The following GPR83 variants were observed in gnomAD, a reference collection of about 807,000 sequenced individuals.
GPR83 encodes G protein-coupled receptor 83.
In GPR83, 23 loss-of-function variants were observed where a neutral mutation model predicts 28.0. That is an observed-to-expected ratio of 0.82 (90% CI 0.59 to 1.16). The LOEUF is 1.16. GPR83 is among the 50% of genes most tolerant of loss of function. The pLI is 0.00. For missense variants in GPR83, 610 were observed against 536.6 expected (o/e 1.14, Z -1.35); for synonymous variants, 234 against 215.4 (o/e 1.09, Z -0.76).
At chr11:94,389,985 C>A (rs1944799676) in intron 3 of GPR83, among the ~76,000 whole-genome samples, 2 of 152,164 alleles carry the variant, frequency 1.3e-5, no homozygotes, top group Admixed American at 6.5e-5. Flanking sequence ...GAATACTATG[C>A]AGCCATAAAA....
At chr11:94,386,412 TAAAG>T (rs1174558312) in intron 3 of GPR83, among the ~76,000 whole-genome samples, 1 of 152,132 alleles carries the variant, frequency 6.6e-6, no homozygotes, top group Non-Finnish European at 1.5e-5. Context: ...GCAAATTGGA[TAAAG>T]AGTCAAGTCC....
intron 2 of GPR83, among the ~76,000 whole-genome samples, chr11:94,394,552 G>A (rs894921302): frequency 6.6e-6 from 1 of 152,158 alleles, no homozygotes; most frequent in African/African-American, 2.4e-5. Flanking sequence ...AGGGTTGGGG[G>A]AAGAGGTCAG....
intron 3 of GPR83, among the ~76,000 whole-genome samples, chr11:94,390,061 A>G (rs191572898): frequency 3.9e-5 from 6 of 152,254 alleles, no homozygotes; most frequent in Admixed American, 1.3e-4. Context: ...TCAGCAAACT[A>G]TCACAAGGAC....
At chr11:94,394,870 C>G (rs975176475) in intron 2 of GPR83, among the ~76,000 whole-genome samples, 1 of 152,168 alleles carries the variant, frequency 6.6e-6, no homozygotes, top group African/African-American at 2.4e-5. Context: ...TCAACATGAG[C>G]AAGGCTTTGC....
At chr11:94,382,207 C>A (rs1453796003) in intron 3 of GPR83, among the ~76,000 whole-genome samples, 3 of 152,042 alleles carry the variant, frequency 2.0e-5, no homozygotes, top group Non-Finnish European at 2.9e-5. Context: ...ACAAAATTAG[C>A]TGGGCATGGT....
At chr11:94,393,678 G>A in intron 2 of GPR83, 60 bp from the exon 3 acceptor site, 1 of 1,566,796 alleles carries the variant, frequency 6.4e-7, no homozygotes, top group Middle Eastern at 1.8e-4. Flanking sequence ...TCAGAAATCT[G>A]GGTCAGGCGC....
chr11:94,380,454 T>C lies in GPR83; in HGVS notation c.967A>G (p.Asn323Asp). Reference protein sequence around the residue: ...LLLSSKVIRTNNALYFAFHWF... With the variant: ...LLLSSKVIRTDNALYFAFHWF... ...TGGAAGGCAAAGTAGAGGGCATTGT[T>C]GGTGCGGATGACCTTGCTGGACAGG... Residue 323 changes from asparagine to aspartate, a missense_variant, in exon 4 of 4, where the codon AAC (asparagine) becomes GAC (aspartate). Coordinates refer to ENST00000243673, the MANE Select transcript of GPR83 (RefSeq NM_016540.4). The C allele has an allele frequency of 1.2e-6, 2 of 1,614,134 alleles. No homozygotes were observed. The highest frequency in any genetic ancestry group is 1.7e-6 in the Non-Finnish European group (2 of 1,179,994).
chr11:94,397,306 G>A (rs1261433350), intron 1 of GPR83, among the ~76,000 whole-genome samples: 1 of 152,158 alleles, frequency 6.6e-6, no homozygotes, highest in African/African-American at 2.4e-5. Flanking sequence ...TGTGAGTAAC[G>A]TCCCATGCCT....
At chr11:94,388,652 C>T (rs1473170122) in intron 3 of GPR83, among the ~76,000 whole-genome samples, 1 of 152,074 alleles carries the variant, frequency 6.6e-6, no homozygotes, top group Non-Finnish European at 1.5e-5. Flanking sequence ...AACTACAAAC[C>T]ACTGCTCAAG....
intron 3 of GPR83, among the ~76,000 whole-genome samples, chr11:94,384,944 C>A (rs1408106467): frequency 2.0e-5 from 3 of 152,186 alleles, no homozygotes; most frequent in Non-Finnish European, 2.9e-5. Flanking sequence ...GGGAGGCAAC[C>A]CCCAGGAGGG....
chr11:94,401,388 C>T lies in GPR83; in HGVS notation c.-141G>A, dbSNP rs1011940618. Reference sequence around the variant, plus strand: ...CAGGGAGCCCGGACGCGCGGAGCACCGCGCCGCCCGCCACCAGCCCGCGGT... The same window carrying T: ...CAGGGAGCCCGGACGCGCGGAGCACTGCGCCGCCCGCCACCAGCCCGCGGT... On this transcript the variant is annotated 5_prime_UTR_variant, in exon 1 of 4. Transcript: ENST00000243673. 8 of 719,092 alleles carry T rather than the reference C, an allele frequency of 1.1e-5. No homozygotes were observed. The highest frequency in any genetic ancestry group is 1.7e-5 in the Non-Finnish European group (8 of 483,874). 44.5% of individuals were successfully genotyped at this position (719,092 alleles called of 1,614,324 possible). A position where few individuals can be genotyped will look rare whatever the true frequency, so the allele number is the denominator to read the frequency against.
chr11:94,389,553 A>G (rs542910314), intron 3 of GPR83, among the ~76,000 whole-genome samples: 134 of 152,392 alleles, frequency 8.8e-4, no homozygotes, highest in African/African-American at 3.1e-3. Context: ...TATGCAGCCA[A>G]CAGACACATG....
chr11:94,398,905 G>C (rs1172544919), intron 1 of GPR83, among the ~76,000 whole-genome samples: 1 of 152,170 alleles, frequency 6.6e-6, no homozygotes, highest in Non-Finnish European at 1.5e-5. Flanking sequence ...CAGGTTCAAG[G>C]CTAAGCTGCT....
intron 1 of GPR83, among the ~76,000 whole-genome samples, chr11:94,397,462 C>A (rs899452148): frequency 6.6e-5 from 10 of 152,134 alleles, no homozygotes; most frequent in African/African-American, 1.4e-4. Flanking sequence ...TGGGAGTGGG[C>A]AGAGGCACAG....
intron 3 of GPR83, among the ~76,000 whole-genome samples, chr11:94,383,897 C>A (rs887975973): frequency 6.6e-6 from 1 of 152,176 alleles, no homozygotes; most frequent in Non-Finnish European, 1.5e-5. Flanking sequence ...CAGATTCTAC[C>A]AGAGGTACAA....
chr11:94,393,121 G>T, intron 3 of GPR83, among the ~76,000 whole-genome samples: 1 of 152,230 alleles, frequency 6.6e-6, no homozygotes. Flanking sequence ...TGCGGATTTT[G>T]TTTGTAGATA....
rs569554231 is a variant in GPR83, at chr11:94,396,160, CAGTG to C, written c.513+235_513+238del. 8.1e-4 allele frequency among the ~76,000 whole-genome samples: 124 copies of C among 152,292 alleles called. 1 individual carries two copies. Among genetic ancestry groups the C allele is most frequent in the African/African-American group, 2.9e-3 (121 of 41,566 alleles). On this transcript the variant is annotated intron_variant, in intron 2 of 3. Coordinates refer to ENST00000243673, the MANE Select transcript of GPR83 (RefSeq NM_016540.4). ...GCTTGAACCCAGGAGGCGGAGGTTG[CAGTG>C]AGTCGAGATGGTGCCACTGCACTCC...
chr11:94,387,239 T>C (rs990710781), intron 3 of GPR83, among the ~76,000 whole-genome samples: 1 of 152,094 alleles, frequency 6.6e-6, no homozygotes, highest in Admixed American at 6.6e-5. Flanking sequence ...AGATCTAAAA[T>C]TGACACCCTA....
intron 3 of GPR83, among the ~76,000 whole-genome samples, chr11:94,383,582 C>A (rs2134683917): frequency 6.6e-6 from 1 of 152,002 alleles, no homozygotes; most frequent in Non-Finnish European, 1.5e-5. Context: ...CTTGATAGAC[C>A]ACTAGAAGAC....
Sources: allele counts gnomAD v4.1 joint callset (sites outside exome capture counted in the v4.1 genomes callset), GRCh38; gene constraint gnomAD v4.1.1; transcripts MANE v1.5; gene names NCBI Gene and HGNC (gene_info 2026-07-23, HGNC 2026-07-21).